Variants in GABRA3 observed in about 807,000 individuals in gnomAD.
The protein encoded by GABRA3 is gamma-aminobutyric acid receptor subunit alpha-3.
Under a neutral mutation model 30.1 loss-of-function variants are expected in GABRA3, and 10 were observed. That is an observed-to-expected ratio of 0.33 (90% CI 0.20 to 0.56). The LOEUF (loss-of-function observed/expected upper bound fraction) is 0.56, where lower values mean the gene tolerates loss of function less well. Ranked by LOEUF, GABRA3 falls within the 20% of genes least tolerant of loss-of-function variation. The pLI is 0.89. For missense variants in GABRA3, 233 were observed against 392.0 expected, an observed-to-expected ratio of 0.59 and a Z score of 3.42; for synonymous variants, 151 against 146.8, an observed-to-expected ratio of 1.03 and a Z score of -0.21.
intron 6 of GABRA3, among the ~76,000 whole-genome samples, chrX:152,212,309 AAAAAAAAAAAAAAAAAAAAAAAT>A (rs1386356054): frequency 0.011 from 910 of 79,446 alleles, 38 homozygotes; most frequent in Middle Eastern, 0.032. Context: ...AAAAAAAAAA[AAAAAAAAAAAAAAAAAAAAAAAT>A]TCCAAATTGC....
At chrX:152,328,707 A>G (rs1288225063) in intron 3 of GABRA3, among the ~76,000 whole-genome samples, 6 of 111,686 alleles carry the variant, frequency 5.4e-5, no homozygotes, top group African/African-American at 2.0e-4. Context: ...TCTCAAAATA[A>G]TAAGAGCTAT....
At chrX:152,237,092 T>A (rs1339285320) in intron 5 of GABRA3, among the ~76,000 whole-genome samples, 27 of 110,708 alleles carry the variant, frequency 2.4e-4, no homozygotes, top group African/African-American at 7.2e-4. Context: ...CTGAATGGTA[T>A]TGCCTAGGTT....
intron 4 of GABRA3, among the ~76,000 whole-genome samples, chrX:152,276,833 T>C (rs1318527522): frequency 8.9e-6 from 1 of 112,191 alleles, no homozygotes; most frequent in African/African-American, 3.2e-5. Flanking sequence ...TTTATGAATG[T>C]ATGTGATATA....
chrX:152,401,409 C>A (rs1929792794), intron 1 of GABRA3, among the ~76,000 whole-genome samples: 1 of 110,020 alleles, frequency 9.1e-6, no homozygotes, highest in Non-Finnish European at 1.9e-5. Flanking sequence ...TATCTGTGCT[C>A]TTATGATGTA....
At chrX:152,195,203 A>C (rs1460283446) in intron 8 of GABRA3, among the ~76,000 whole-genome samples, 1 of 112,339 alleles carries the variant, frequency 8.9e-6, no homozygotes, top group Non-Finnish European at 1.9e-5. Context: ...ATAAATTCTA[A>C]ATTAATGTGA....
chrX:152,432,343 T>C (rs181857317), intron 1 of GABRA3, among the ~76,000 whole-genome samples: 1 of 112,018 alleles, frequency 8.9e-6, no homozygotes, highest in East Asian at 2.8e-4. Context: ...GGATCTGCTG[T>C]TGTTTTTAAC....
intron 1 of GABRA3, among the ~76,000 whole-genome samples, chrX:152,448,287 T>C (rs908074092): frequency 1.8e-5 from 2 of 112,279 alleles, no homozygotes; most frequent in African/African-American, 6.5e-5. Flanking sequence ...AATTCGCATT[T>C]TAACAAGATT....
intron 6 of GABRA3, among the ~76,000 whole-genome samples, chrX:152,212,550 C>T (rs965834404): frequency 1.8e-5 from 2 of 109,577 alleles, no homozygotes; most frequent in South Asian, 3.9e-4. Context: ...CCCTAGCTGC[C>T]GTAAGGATGG....
At chrX:152,318,782 T>A (rs1402122423) in intron 3 of GABRA3, among the ~76,000 whole-genome samples, 1 of 111,794 alleles carries the variant, frequency 8.9e-6, no homozygotes, top group Admixed American at 9.5e-5. Flanking sequence ...GGAAGAGCAC[T>A]TGACAAAATC....
chrX:152,415,103 T>C (rs1364300258), intron 1 of GABRA3, among the ~76,000 whole-genome samples: 1 of 111,154 alleles, frequency 9.0e-6, no homozygotes, highest in Non-Finnish European at 1.9e-5. Flanking sequence ...ATTATACATT[T>C]GTCAAAACCC....
At chrX:152,244,546 C>T (rs927420646) in intron 5 of GABRA3, among the ~76,000 whole-genome samples, 15 of 111,431 alleles carry the variant, frequency 1.3e-4, no homozygotes, top group Non-Finnish European at 1.7e-4. Flanking sequence ...TGATCTTGGC[C>T]TTCCTGACCT....
intron 1 of GABRA3, among the ~76,000 whole-genome samples, chrX:152,370,770 G>A (rs190543463): frequency 1.1e-3 from 120 of 110,751 alleles, no homozygotes; most frequent in African/African-American, 3.8e-3. Context: ...ACAAGTCCAT[G>A]ATCTTGAATC....
chrX:152,340,754 A>G (rs182354883), intron 3 of GABRA3, among the ~76,000 whole-genome samples: 2 of 111,284 alleles, frequency 1.8e-5, no homozygotes, highest in African/African-American at 6.5e-5. Flanking sequence ...TTTTCTTTTT[A>G]TCATTGGTTC....
At chrX:152,332,406 C>T (rs1375858132) in intron 3 of GABRA3, among the ~76,000 whole-genome samples, 1 of 111,973 alleles carries the variant, frequency 8.9e-6, no homozygotes, top group Non-Finnish European at 1.9e-5. Flanking sequence ...TATGCCCTTT[C>T]TGTCCACCTT....
intron 8 of GABRA3, among the ~76,000 whole-genome samples, chrX:152,196,064 T>G (rs1414253454): frequency 9.1e-6 from 1 of 109,963 alleles, no homozygotes; most frequent in Non-Finnish European, 1.9e-5. Flanking sequence ...TAATTTCTTT[T>G]AAGCTCACGT....
At chrX:152,338,915 C>G (rs188994638) in intron 3 of GABRA3, among the ~76,000 whole-genome samples, 8 of 111,705 alleles carry the variant, frequency 7.2e-5, no homozygotes, top group Non-Finnish European at 1.5e-4. Flanking sequence ...CAGTATGATG[C>G]TGTTTTGATT....
At position 152,396,131 on chromosome X, in the gene GABRA3, A is replaced by G. The variant is rs537665915; in HGVS notation, c.-26-31535T>C. 7.1e-4 allele frequency among the ~76,000 whole-genome samples: 79 copies of G among 111,491 alleles called. 1 individual carries two copies. In the South Asian group the frequency reaches 0.03, roughly 42 times the overall value. ...TAAATCCAATCACTGGTGTCTTTAT[A>G]AGAAGGGGGAAATTTAGATATAACA... On this transcript the variant is annotated intron_variant, in intron 1 of 9. Transcript: ENST00000370314.
intron 5 of GABRA3, among the ~76,000 whole-genome samples, chrX:152,231,302 C>CGT (rs768086553): frequency 9.5e-6 from 1 of 105,062 alleles, no homozygotes; most frequent in Non-Finnish European, 2.0e-5. Flanking sequence ...TGTATATATA[C>CGT]GTGTGTGTAC....
chrX:152,365,996 A>T (rs1281026276), intron 1 of GABRA3, among the ~76,000 whole-genome samples: 1 of 112,080 alleles, frequency 8.9e-6, no homozygotes, highest in Non-Finnish European at 1.9e-5. Flanking sequence ...TCAACCTAAT[A>T]TAAGAGCTGT....
Sources: gnomAD v4.1 joint callset for allele counts (sites outside exome capture counted in the v4.1 genomes callset) on GRCh38, gnomAD v4.1.1 for gene constraint, MANE v1.5 for transcripts, NCBI Gene and HGNC (gene_info 2026-07-23, HGNC 2026-07-21) for gene names.